CCDC7: variants seen among roughly 807,000 people sequenced by gnomAD.
CCDC7 encodes coiled-coil domain-containing protein 7.
CCDC7 carries 183 observed loss-of-function variants against 196.9 expected under a neutral mutation model. The ratio of observed to expected loss-of-function variants is 0.93; its 90% CI spans 0.82 to 1.05. CCDC7 has a LOEUF of 1.05. CCDC7 is among the 50% of genes least tolerant of loss of function. The pLI, the probability that CCDC7 is intolerant of heterozygous loss-of-function variation, is 0.00. For missense variants in CCDC7, 1,540 were observed against 1,482.2 expected (o/e 1.04, Z -0.64); for synonymous variants, 525 against 484.6 (o/e 1.08, Z -1.10).
At chr10:32,802,542 G>T (rs1480945167) in intron 29 of CCDC7, among the ~76,000 whole-genome samples, 1 of 152,090 alleles carries the variant, frequency 6.6e-6, no homozygotes, top group East Asian at 1.9e-4. Context: ...CTGTATTAGG[G>T]TTCTCTTGAG....
intron 33 of CCDC7, among the ~76,000 whole-genome samples, chr10:32,839,186 A>G (rs188166615): frequency 6.6e-6 from 1 of 152,110 alleles, no homozygotes; most frequent in African/African-American, 2.4e-5. Flanking sequence ...CTTAAAAGAT[A>G]CAGAATGGCA....
At chr10:32,451,422 TTTTG>T (rs1311780300), upstream of CCDC7, among the ~76,000 whole-genome samples, 2 of 152,246 alleles carry the variant, frequency 1.3e-5, no homozygotes, top group Admixed American at 6.5e-5. Flanking sequence ...TATTTCTTCG[TTTTG>T]TTTAAGTTAC....
rs185043331 is a variant in CCDC7 at position 32,720,611 on chromosome 10, T to C, written c.2570-6123T>C. 2.0e-5 allele frequency among the ~76,000 whole-genome samples: 3 copies of C among 152,174 alleles called. No individual in the cohort carries two copies. In the East Asian group the frequency reaches 5.8e-4, roughly 29 times the overall value. On this transcript the variant is annotated intron_variant, in intron 25 of 41. Coordinates refer to ENST00000639629, the Ensembl canonical transcript of CCDC7. ...AGACAACTGGGGGCTAAGGGAAGGATAACGATTCCCCTAAGAACATAGAAT... is the reference window on the plus strand; with the variant it reads ...AGACAACTGGGGGCTAAGGGAAGGACAACGATTCCCCTAAGAACATAGAAT...
At chr10:32,714,769 A>G (rs1246430355) in intron 25 of CCDC7, among the ~76,000 whole-genome samples, 1 of 152,172 alleles carries the variant, frequency 6.6e-6, no homozygotes, top group African/African-American at 2.4e-5. Flanking sequence ...CAGTGTAAAC[A>G]AAGCTGCTGG....
At chr10:32,613,315 TATTA>T (rs1371071374) in intron 18 of CCDC7, among the ~76,000 whole-genome samples, 4 of 152,196 alleles carry the variant, frequency 2.6e-5, no homozygotes, top group African/African-American at 9.7e-5. Flanking sequence ...TTCTCTTCTT[TATTA>T]GTCTGGCTAG....
chr10:32,522,269 T>C (rs1004433956), intron 11 of CCDC7, among the ~76,000 whole-genome samples: 49 of 152,184 alleles, frequency 3.2e-4, no homozygotes, highest in Non-Finnish European at 1.0e-4. Context: ...CTTTAAATGT[T>C]TGGTAAAATT....
intron 32 of CCDC7, 85 bp from the exon 34 acceptor site, chr10:32,834,730 A>G: frequency 1.7e-6 from 1 of 578,848 alleles, no homozygotes; most frequent in Admixed American, 3.4e-5. Flanking sequence ...TCATACATAC[A>G]AATATACTAT....
rs772379622 is a variant in CCDC7 at position 32,686,148 on chromosome 10, A to C, written c.2233+68A>C. The C allele has an allele frequency of 1.8e-4, 141 of 774,184 alleles. 1 individual carries two copies. The highest frequency in any genetic ancestry group is 2.2e-4 in the Non-Finnish European group (108 of 498,062). The allele number at this position is 774,184 out of a possible 1,614,324, so 48.0% of individuals were successfully genotyped here. ...AGTCACAGCAAAGGTATTTTTCTTC[A>C]GTTCATGAATCTTGAATTTACAGAA... On this transcript the variant is annotated intron_variant, in intron 22 of 41. Coordinates refer to ENST00000639629, the Ensembl canonical transcript of CCDC7.
intron 33 of CCDC7, among the ~76,000 whole-genome samples, chr10:32,844,786 A>G (rs916120597): frequency 6.6e-6 from 1 of 151,818 alleles, no homozygotes; most frequent in African/African-American, 2.4e-5. Context: ...ATGAGTTCTA[A>G]TAGCCCTTCA....
chr10:32,730,108 G>T, intron 28 of CCDC7, among the ~76,000 whole-genome samples: 1 of 151,968 alleles, frequency 6.6e-6, no homozygotes, highest in East Asian at 1.9e-4. Flanking sequence ...CAGGTATTAA[G>T]CCCAGCACCC....
At chr10:32,854,284 G>GA in intron 40 of CCDC7, 116 bp from the exon 42 acceptor site, 2 of 641,834 alleles carry the variant, frequency 3.1e-6, no homozygotes, top group Non-Finnish European at 5.3e-6. Context: ...CTAAATTACT[G>GA]AAAAAAAGTT....
chr10:32,509,750 A>C (rs1380881402), intron 9 of CCDC7, among the ~76,000 whole-genome samples: 2 of 152,226 alleles, frequency 1.3e-5, no homozygotes, highest in Non-Finnish European at 2.9e-5. Flanking sequence ...ATTTTTCCAA[A>C]GAAGACATAC....
intron 9 of CCDC7, chr10:32,512,113 T>C: frequency 5.5e-6 from 1 of 180,724 alleles, no homozygotes; most frequent in African/African-American, 2.4e-5. Context: ...GAAATTCTTT[T>C]GTAATTGTGG....
intron 11 of CCDC7, among the ~76,000 whole-genome samples, chr10:32,523,982 G>T (rs564068515): frequency 6.7e-5 from 10 of 150,080 alleles, no homozygotes; most frequent in African/African-American, 2.4e-4. Context: ...TTTACATTCA[G>T]TGTTATTATT....
At chr10:32,490,807 A>G (rs1377717965) in intron 8 of CCDC7, among the ~76,000 whole-genome samples, 1 of 152,176 alleles carries the variant, frequency 6.6e-6, no homozygotes, top group Non-Finnish European at 1.5e-5. Flanking sequence ...CAAAAAAAAA[A>G]AAGTTGGTGT....
At chr10:32,616,579 G>A (rs531053591) in intron 18 of CCDC7, among the ~76,000 whole-genome samples, 36 of 151,100 alleles carry the variant, frequency 2.4e-4, no homozygotes, top group Middle Eastern at 3.4e-3. Context: ...AGTCTTTAGG[G>A]TTTTCTAGAA....
chr10:32,831,901 A>G (rs1291550320), intron 32 of CCDC7, among the ~76,000 whole-genome samples: 1 of 152,238 alleles, frequency 6.6e-6, no homozygotes, highest in Non-Finnish European at 1.5e-5. Context: ...AAACAGTAAC[A>G]TAGCTTTTTA....
intron 33 of CCDC7, among the ~76,000 whole-genome samples, chr10:32,837,138 A>G (rs985095660): frequency 1.3e-5 from 2 of 152,268 alleles, no homozygotes; most frequent in East Asian, 3.9e-4. Context: ...TGAACAGGCA[A>G]CCTACAGAAT....
chr10:32,635,769 G>GT lies in CCDC7; in HGVS notation c.2014+621dup, dbSNP rs145629033. Among the ~76,000 whole-genome samples the GT allele has an allele frequency of 2.4e-3, 352 of 145,486 alleles. 1 individual carries two copies. The highest frequency in any genetic ancestry group is 0.018 in the South Asian group (84 of 4,562). ...CTGGTAACTTAACATTCCTCTTTGTGTTTTTTTTTTCTGTATCTCTTGCAT... is the reference window on the plus strand; with the variant it reads ...CTGGTAACTTAACATTCCTCTTTGTGTTTTTTTTTTTCTGTATCTCTTGCAT... On this transcript the variant is annotated intron_variant, in intron 20 of 41. Transcript: ENST00000639629.
Sources: allele counts gnomAD v4.1 joint callset (sites outside exome capture counted in the v4.1 genomes callset), GRCh38; gene constraint gnomAD v4.1.1; transcripts MANE v1.5; gene names NCBI Gene and HGNC (gene_info 2026-07-23, HGNC 2026-07-21).